Variants in GPM6B observed in about 807,000 individuals in gnomAD.
GPM6B encodes the protein neuronal membrane glycoprotein M6-b.
Under a neutral mutation model 27.2 loss-of-function variants are expected in GPM6B, and 4 were observed. The observed-to-expected ratio is 0.15, with a 90% CI of 0.07 to 0.34. The LOEUF (loss-of-function observed/expected upper bound fraction) is 0.34, where lower values mean the gene tolerates loss of function less well. Among genes scored for constraint, GPM6B ranks in the 10% least tolerant of loss-of-function variants. The pLI is 1.00. For missense variants in GPM6B, 183 were observed against 261.9 expected (o/e 0.70, Z 2.08); for synonymous variants, 124 against 103.1 (o/e 1.20, Z -1.23).
At chrX:13,785,439 C>T (rs1470215105) in intron 3 of GPM6B, among the ~76,000 whole-genome samples, 183 bp downstream of exon 3, 2 of 111,067 alleles carry the variant, frequency 1.8e-5, no homozygotes, top group East Asian at 2.8e-4. Flanking sequence ...CGCACCACCA[C>T]GCCCAGCTAA....
intron 1 of GPM6B, among the ~76,000 whole-genome samples, chrX:13,888,194 C>T (rs1788212456): frequency 8.9e-6 from 1 of 112,220 alleles, no homozygotes; most frequent in Admixed American, 9.4e-5. Flanking sequence ...CTTTATGCAG[C>T]CAGGGCTTAT....
intron 1 of GPM6B, among the ~76,000 whole-genome samples, chrX:13,812,483 T>TG (rs1183167276): frequency 8.9e-6 from 1 of 111,925 alleles, no homozygotes; most frequent in Non-Finnish European, 1.9e-5. Flanking sequence ...TCCCTACTCC[T>TG]GGCCAACTAT....
intron 1 of GPM6B, among the ~76,000 whole-genome samples, chrX:13,852,555 C>G (rs2049730218): frequency 9.0e-6 from 1 of 111,051 alleles, no homozygotes; most frequent in Non-Finnish European, 1.9e-5. Context: ...AGAAAAGGAG[C>G]ACACAGTACT....
intron 1 of GPM6B, among the ~76,000 whole-genome samples, chrX:13,923,772 G>T (rs1921038554): frequency 8.9e-6 from 1 of 112,062 alleles, no homozygotes. Context: ...TTTCAACCAA[G>T]AATTTGCATC....
chrX:13,889,927 G>A (rs898121720), intron 1 of GPM6B, among the ~76,000 whole-genome samples: 5 of 110,734 alleles, frequency 4.5e-5, no homozygotes, highest in Non-Finnish European at 9.4e-5. Context: ...GAATACTTGC[G>A]ACAGTAGTGT....
intron 1 of GPM6B, among the ~76,000 whole-genome samples, chrX:13,931,057 A>G (rs1921490652): frequency 9.0e-6 from 1 of 111,095 alleles, no homozygotes; most frequent in African/African-American, 3.3e-5. Context: ...GGTGGTGCAT[A>G]CCTGTAATCC....
At chrX:13,887,052 C>A (rs1244169173) in intron 1 of GPM6B, among the ~76,000 whole-genome samples, 1 of 112,053 alleles carries the variant, frequency 8.9e-6, no homozygotes, top group African/African-American at 3.3e-5. Flanking sequence ...TTCCTGACCT[C>A]AAGTGATCTG....
At chrX:13,859,017 A>T (rs2049813242) in intron 1 of GPM6B, among the ~76,000 whole-genome samples, 1 of 112,518 alleles carries the variant, frequency 8.9e-6, no homozygotes, top group African/African-American at 3.2e-5. Context: ...AAACCCATTC[A>T]ACTGTTCTAA....
chrX:13,819,103 A>G (rs781408768), upstream of GPM6B, among the ~76,000 whole-genome samples: 2 of 112,425 alleles, frequency 1.8e-5, no homozygotes, highest in South Asian at 7.3e-4. Context: ...GATCAAAACC[A>G]TTAGACAAAA....
At chrX:13,841,858 G>A (rs1448554276) in intron 1 of GPM6B, among the ~76,000 whole-genome samples, 1 of 111,117 alleles carries the variant, frequency 9.0e-6, no homozygotes, top group Admixed American at 9.6e-5. Context: ...TGTTTCTCTT[G>A]GCTACCCCAT....
At chrX:13,798,805 T>C (rs991467631) in intron 2 of GPM6B, among the ~76,000 whole-genome samples, 5 of 112,623 alleles carry the variant, frequency 4.4e-5, no homozygotes, top group Non-Finnish European at 7.5e-5. Context: ...GGCCATCCTT[T>C]GTTGGGGAGG....
chrX:13,808,081 TTTTC>T (rs1012454665), intron 1 of GPM6B, among the ~76,000 whole-genome samples: 4 of 112,235 alleles, frequency 3.6e-5, no homozygotes, highest in African/African-American at 9.7e-5. Context: ...ACAATAATAT[TTTTC>T]TTTCTGTTTC....
chrX:13,830,202 C>T lies in GPM6B; in HGVS notation c.-197-44394G>A, dbSNP rs184818929. On this transcript the variant is annotated intron_variant, in intron 1 of 6. Coordinates refer to the GPM6B transcript ENST00000398361. ...GTGCATGGGGAGTTCAATAAGGACTCAAAGTCCGTAAAAGGTAAGCATGTT... is the reference window on the plus strand; with the variant it reads ...GTGCATGGGGAGTTCAATAAGGACTTAAAGTCCGTAAAAGGTAAGCATGTT... Among the ~76,000 whole-genome samples, 125 of 111,752 alleles carry T rather than the reference C, an allele frequency of 1.1e-3. 1 individual carries two copies. Among genetic ancestry groups the T allele is most frequent in the Middle Eastern group, 4.6e-3 (1 of 217 alleles).
chrX:13,864,137 C>A (rs1336292214), intron 1 of GPM6B, among the ~76,000 whole-genome samples: 1 of 112,156 alleles, frequency 8.9e-6, no homozygotes, highest in Admixed American at 9.4e-5. Context: ...CTTTGTAGTA[C>A]AAAGGACCAT....
At chrX:13,877,855 A>C (rs1415814882) in intron 1 of GPM6B, among the ~76,000 whole-genome samples, 13 of 95,642 alleles carry the variant, frequency 1.4e-4, no homozygotes, top group South Asian at 4.9e-4. Flanking sequence ...AAAAAAATTC[A>C]CCATATTTGC....
intron 1 of GPM6B, among the ~76,000 whole-genome samples, chrX:13,812,392 C>T (rs1191322589): frequency 8.9e-6 from 1 of 111,776 alleles, no homozygotes; most frequent in Non-Finnish European, 1.9e-5. Flanking sequence ...AACAACAAAG[C>T]ACATTTGTGA....
chrX:13,858,312 A>C (rs1434410047), intron 1 of GPM6B, among the ~76,000 whole-genome samples: 1 of 111,431 alleles, frequency 9.0e-6, no homozygotes, highest in African/African-American at 3.3e-5. Context: ...CCCTCTCTGA[A>C]GTTCATAATT....
intron 2 of GPM6B, among the ~76,000 whole-genome samples, chrX:13,806,470 T>C (rs1483460688): frequency 8.9e-6 from 1 of 111,948 alleles, no homozygotes; most frequent in African/African-American, 3.3e-5. Context: ...GGATGGCTGA[T>C]GTCACCTCAT....
intron 1 of GPM6B, among the ~76,000 whole-genome samples, chrX:13,872,463 C>T (rs1368859837): frequency 3.6e-5 from 4 of 111,089 alleles, no homozygotes; most frequent in Non-Finnish European, 1.9e-5. Context: ...AGCCACCATG[C>T]CAAGCCTACA....
Sources: gnomAD v4.1 joint callset for allele counts (sites outside exome capture counted in the v4.1 genomes callset) on GRCh38, gnomAD v4.1.1 for gene constraint, MANE v1.5 for transcripts, NCBI Gene and HGNC (gene_info 2026-07-23, HGNC 2026-07-21) for gene names.